RUBCNL: variants seen among roughly 807,000 people sequenced by gnomAD.
RUBCNL encodes protein associated with UVRAG as autophagy enhancer.
In RUBCNL, 62 loss-of-function variants were observed where a neutral mutation model predicts 69.5. The observed-to-expected ratio is 0.89, with a 90% CI of 0.73 to 1.10. The LOEUF is 1.10. Ranked by LOEUF, RUBCNL falls within the 50% of genes least tolerant of loss-of-function variation. RUBCNL has a pLI of 0.00. For synonymous variants in RUBCNL, 291 were observed against 303.6 expected (o/e 0.96, Z 0.43); for missense variants, 768 against 798.1 (o/e 0.96, Z 0.45).
At chr13:46,377,154 T>C (rs777374324) in intron 2 of RUBCNL, among the ~76,000 whole-genome samples, 3 of 152,258 alleles carry the variant, frequency 2.0e-5, no homozygotes, top group Non-Finnish European at 2.9e-5. Context: ...CTCAATTTTC[T>C]ACACATATCT....
chr13:46,360,431 T>C (rs934983199), intron 8 of RUBCNL, among the ~76,000 whole-genome samples: 2 of 152,224 alleles, frequency 1.3e-5, no homozygotes, highest in African/African-American at 4.8e-5. Flanking sequence ...TCAAACCTTA[T>C]TTCCATAAAG....
chr13:46,385,971 C>T (rs2049232364), intron 1 of RUBCNL, among the ~76,000 whole-genome samples: 1 of 152,190 alleles, frequency 6.6e-6, no homozygotes. Flanking sequence ...AGTGCAGAAA[C>T]TGGGGTTTGA....
intron 3 of RUBCNL, among the ~76,000 whole-genome samples, chr13:46,371,495 C>A (rs2048874032): frequency 6.6e-6 from 1 of 152,134 alleles, no homozygotes; most frequent in African/African-American, 2.4e-5. Flanking sequence ...GTTTAAAAAT[C>A]TTACCATTTT....
intron 11 of RUBCNL, 94 bp downstream of exon 11, chr13:46,350,019 G>A (rs2048335438): frequency 1.1e-6 from 1 of 910,186 alleles, no homozygotes; most frequent in African/African-American, 1.7e-5. Flanking sequence ...GCCTCTTAGA[G>A]GATGTATCTG....
chr13:46,381,532 A>T (rs1485428170), intron 1 of RUBCNL, among the ~76,000 whole-genome samples: 1 of 152,196 alleles, frequency 6.6e-6, no homozygotes, highest in East Asian at 1.9e-4. Flanking sequence ...TAATGATGGC[A>T]TATATTTGTG....
At position 46,371,948 on chromosome 13, in the gene RUBCNL, A is replaced by G. The variant is rs1374380004; in HGVS notation, c.528T>C (p.Ala176=). Residue 176 remains alanine, a synonymous_variant, in exon 3 of 15, where the codon GCT becomes GCC. Coordinates refer to ENST00000429979, the MANE Select transcript of RUBCNL (RefSeq NM_025113.5). ...GTCACCTACTAAAATTACCTTCATCAGCAGCAGATGTCAGATGGGAAGGCT... is the reference window on the plus strand; with the variant it reads ...GTCACCTACTAAAATTACCTTCATCGGCAGCAGATGTCAGATGGGAAGGCT... ...FFEPSHLTSA[A]DEGAVQVSRR... is the part of the protein sequence containing the mutation. 1.2e-6 allele frequency: 2 copies of G among 1,613,734 alleles called. No homozygotes were observed. The highest frequency in any genetic ancestry group is 1.3e-5 in the African/African-American group (1 of 74,908).
intron 8 of RUBCNL, among the ~76,000 whole-genome samples, chr13:46,359,870 T>C (rs76247388): frequency 0.012 from 1,844 of 152,286 alleles, 38 homozygotes; most frequent in African/African-American, 0.042. Context: ...TTCATTTATT[T>C]CCAGACTTCA....
chr13:46,380,154 A>C (rs1406815993), intron 1 of RUBCNL, among the ~76,000 whole-genome samples: 2 of 152,216 alleles, frequency 1.3e-5, no homozygotes, highest in Non-Finnish European at 2.9e-5. Context: ...GTTTGCTGTC[A>C]GAAGAACACA....
Position 46,338,032 on chromosome 13 carries a change from C to A in RUBCNL, c.*5353G>T, listed in dbSNP as rs60387979. Reference sequence around the variant, plus strand: ...CCCCAGTAGAATAATGAGGTAAATGCAGATATCAGAGTGTAAGGAGAAGGG... The same window carrying A: ...CCCCAGTAGAATAATGAGGTAAATGAAGATATCAGAGTGTAAGGAGAAGGG... On this transcript the variant is annotated 3_prime_UTR_variant, in exon 15 of 15. Coordinates refer to ENST00000429979, the MANE Select transcript of RUBCNL (RefSeq NM_025113.5). Among the ~76,000 whole-genome samples the A allele has an allele frequency of 0.07, 10,661 of 152,014 alleles. 849 individuals carry two copies. The highest frequency in any genetic ancestry group is 0.33 in the East Asian group (1,696 of 5,130).
chr13:46,368,476 T>C, intron 4 of RUBCNL: 3 of 985,424 alleles, frequency 3.0e-6, no homozygotes, highest in Non-Finnish European at 3.6e-6. Flanking sequence ...TTGGATTTCT[T>C]GTTATACAAA....
intron 10 of RUBCNL, chr13:46,354,666 C>T (rs924185016): frequency 4.8e-6 from 2 of 413,536 alleles, no homozygotes; most frequent in East Asian, 1.4e-4. Flanking sequence ...CCTCTTACTC[C>T]CAGCTTCTCA....
rs187880731 is a variant in RUBCNL at position 46,354,854 on chromosome 13, C to T, written c.1330+1578G>A. On this transcript the variant is annotated intron_variant, in intron 10 of 14. Transcript: ENST00000429979. ...AAAAGTGCAGACACACATCTCCATA[C>T]CTGAACAAGCTTAGGGAAATAACAA... is the stretch of plus-strand genomic sequence containing the variant. The T allele has an allele frequency of 3.0e-4, 135 of 456,682 alleles. 1 individual carries two copies. Among genetic ancestry groups the T allele is most frequent in the African/African-American group, 2.6e-3 (129 of 50,168 alleles). 28.3% of individuals were successfully genotyped at this position (456,682 alleles called of 1,614,324 possible). A position where few individuals can be genotyped will look rare whatever the true frequency, so the allele number is the denominator to read the frequency against.
chr13:46,353,441 T>C (rs149415094), intron 10 of RUBCNL, among the ~76,000 whole-genome samples: 21 of 152,328 alleles, frequency 1.4e-4, no homozygotes, highest in Middle Eastern at 3.4e-3. Flanking sequence ...CAATACAGAA[T>C]ACACTAATGT....
intron 14 of RUBCNL, among the ~76,000 whole-genome samples, chr13:46,344,164 T>C (rs909223158): frequency 1.3e-5 from 2 of 152,058 alleles, no homozygotes; most frequent in Admixed American, 1.3e-4. Flanking sequence ...GCCTAAAGGG[T>C]TGGGGAGACA....
chr13:46,338,404 C>T lies in RUBCNL; in HGVS notation c.*4981G>A, dbSNP rs889522435. On this transcript the variant is annotated 3_prime_UTR_variant, in exon 15 of 15. Transcript: ENST00000429979. ...CCTACAAGCAGCTGCCCCTTGGCTG[C>T]CTCTTGGTCTTAGCAGCGCAGTTCA... is the stretch of plus-strand genomic sequence containing the variant. 6.6e-6 allele frequency among the ~76,000 whole-genome samples: 1 copy of T among 152,140 alleles called. No homozygotes were observed. The highest frequency in any genetic ancestry group is 2.4e-5 in the African/African-American group (1 of 41,414).
intron 12 of RUBCNL, among the ~76,000 whole-genome samples, chr13:46,347,099 T>C (rs2048262044): frequency 6.6e-6 from 1 of 152,186 alleles, no homozygotes. Flanking sequence ...GAGAGCATAA[T>C]ACCTCTTAAT....
intron 10 of RUBCNL, 62 bp downstream of exon 10, chr13:46,356,370 T>G: frequency 2.6e-6 from 4 of 1,513,074 alleles, no homozygotes; most frequent in Non-Finnish European, 3.6e-6. Flanking sequence ...TGCGCTGCCC[T>G]ACTTTGCTAT....
At chr13:46,380,878 T>C (rs1435462583) in intron 1 of RUBCNL, among the ~76,000 whole-genome samples, 3 of 152,082 alleles carry the variant, frequency 2.0e-5, no homozygotes, top group East Asian at 1.9e-4. Flanking sequence ...CTAAAAACTT[T>C]ACATATATTA....
rs193920942 is a variant in RUBCNL, at chr13:46,359,610, G to T, written c.1141C>A (p.Arg381=). ...GSIVVNEECV[R]KDFESSMNVV... Reference sequence around the variant, plus strand: ...TTCATACTGGATTCAAAGTCTTTTCGGACACACTCTTCATTTACGACCTGC... The same window carrying T: ...TTCATACTGGATTCAAAGTCTTTTCTGACACACTCTTCATTTACGACCTGC... The change falls in exon 9 of 15, where the codon CGA becomes AGA. Residue 381 remains arginine (R), a synonymous_variant. Transcript: ENST00000429979. 3.8e-6 allele frequency: 6 copies of T among 1,588,352 alleles called. No individual in the cohort carries two copies. The highest frequency in any genetic ancestry group is 2.3e-5 in the East Asian group (1 of 44,246).
Sources: allele counts gnomAD v4.1 joint callset (sites outside exome capture counted in the v4.1 genomes callset), GRCh38; gene constraint gnomAD v4.1.1; transcripts MANE v1.5; gene names NCBI Gene and HGNC (gene_info 2026-07-23, HGNC 2026-07-21).